The following ACSF3 variants were observed in gnomAD, a reference collection of about 807,000 sequenced individuals.
The protein encoded by ACSF3 is acyl-CoA synthetase family member 3.
ACSF3 carries 78 observed loss-of-function variants against 53.2 expected under a neutral mutation model. The ratio of observed to expected loss-of-function variants is 1.47; its 90% CI spans 1.22 to 1.77. The LOEUF (loss-of-function observed/expected upper bound fraction) is 1.77. Among genes scored for constraint, ACSF3 ranks in the 40% most tolerant of loss-of-function variants. ACSF3 has a pLI of 0.00. For missense variants in ACSF3, 937 were observed against 771.1 expected (o/e 1.22, Z -2.55); for synonymous variants, 414 against 333.1 (o/e 1.24, Z -2.65).
chr16:89,112,160 C>A lies in ACSF3; in HGVS notation c.891C>A (p.Tyr297Ter), dbSNP rs2151444797. 1.7e-6 allele frequency: 2 copies of A among 1,188,786 alleles called. No homozygotes were observed. The highest frequency in any genetic ancestry group is 7.7e-5 in the East Asian group (2 of 26,014). The allele number at this position is 1,188,786 out of a possible 1,614,324, so 73.6% of individuals were successfully genotyped here. Reference protein sequence around the residue: ...INVFMAVPTIYTKLMEYYDRH... With the variant: ...INVFMAVPTI ...TCTTTATGGCAGTGCCTACAATATA[C>A]ACCAAGCTGATGGAGTACTACGACA... is the stretch of plus-strand genomic sequence containing the variant. Residue 297 changes from tyrosine (Y) to a stop codon, truncating the protein, a stop_gained, in exon 5 of 11, where the codon TAC becomes TAA. Coordinates refer to ENST00000614302, the MANE Select transcript of ACSF3 (RefSeq NM_001243279.3). LOFTEE classifies it high-confidence loss of function.
intron 10 of ACSF3, chr16:89,152,017 G>A (rs545542228): frequency 1.9e-4 from 29 of 152,396 alleles, no homozygotes; most frequent in African/African-American, 7.0e-4. Context: ...ACTAGGAGAA[G>A]AAGGAAAATC....
chr16:89,116,908 C>T (rs1252597798), intron 6 of ACSF3, among the ~76,000 whole-genome samples: 1 of 152,192 alleles, frequency 6.6e-6, no homozygotes, highest in African/African-American at 2.4e-5. Context: ...GGCTAAAGCT[C>T]TCTGGTGGAA....
rs1914650366 is a variant in ACSF3 at position 89,155,749 on chromosome 16, A to C, written c.*1542A>C. 2.2e-6 allele frequency: 1 copy of C among 453,386 alleles called. No individual in the cohort carries two copies. The highest frequency in any genetic ancestry group is 1.6e-5 in the South Asian group (1 of 64,298). 28.1% of individuals were successfully genotyped at this position (453,386 alleles called of 1,614,324 possible). On this transcript the variant is annotated 3_prime_UTR_variant, in exon 11 of 11. Transcript: ENST00000614302. ...TCAAATTTAACATAGCAAAATTTTTACTTAATTCCACTAATTTTACATTTG... is the reference window on the plus strand; with the variant it reads ...TCAAATTTAACATAGCAAAATTTTTCCTTAATTCCACTAATTTTACATTTG...
intron 8 of ACSF3, among the ~76,000 whole-genome samples, chr16:89,143,447 C>T (rs993166135): frequency 6.6e-6 from 1 of 151,992 alleles, no homozygotes; most frequent in African/African-American, 2.4e-5. Flanking sequence ...GTATGGAGGG[C>T]CCTGAGCACC....
At position 89,093,920 on chromosome 16, in the gene ACSF3, C is replaced by T. The variant is rs1291430665; in HGVS notation, c.-270C>T. 32 of 329,006 alleles carry T rather than the reference C, an allele frequency of 9.7e-5. No individual in the cohort carries two copies. Among genetic ancestry groups the T allele is most frequent in the Non-Finnish European group, 1.7e-4 (27 of 157,658 alleles). The allele number at this position is 329,006 out of a possible 1,614,324, so 20.4% of individuals were successfully genotyped here. ...GACCCGGCCGGAACCCGGCCCGACC[C>T]CGGCGCGCGCGCGGCGGAGGACGAG... On this transcript the variant is annotated 5_prime_UTR_variant, in exon 1 of 11. Transcript: ENST00000614302.
At chr16:89,099,974 C>G (rs1168264572) in intron 2 of ACSF3, among the ~76,000 whole-genome samples, 10 of 90,804 alleles carry the variant, frequency 1.1e-4, no homozygotes, top group Admixed American at 4.0e-4. Flanking sequence ...GACCTTGTCT[C>G]TACCAAAAAA....
At chr16:89,130,281 A>T (rs1909013847) in intron 7 of ACSF3, among the ~76,000 whole-genome samples, 1 of 152,206 alleles carries the variant, frequency 6.6e-6, no homozygotes, top group African/African-American at 2.4e-5. Context: ...CTTTAAAAAT[A>T]TGATTCTTGG....
chr16:89,145,499 G>C (rs1346928785), intron 9 of ACSF3, 98 bp downstream of exon 9: 2 of 1,436,032 alleles, frequency 1.4e-6, no homozygotes, highest in East Asian at 4.8e-5. Flanking sequence ...CGCCGTCCCA[G>C]CTGCCTGCAG....
intron 9 of ACSF3, among the ~76,000 whole-genome samples, 157 bp from the exon 10 acceptor site, chr16:89,145,781 C>T (rs1490632997): frequency 6.6e-6 from 1 of 152,216 alleles, no homozygotes; most frequent in East Asian, 1.9e-4. Context: ...CCCACAGGCC[C>T]AGCCAGCACC....
intron 7 of ACSF3, among the ~76,000 whole-genome samples, chr16:89,127,037 T>C (rs1311569041): frequency 1.3e-5 from 2 of 152,224 alleles, no homozygotes; most frequent in African/African-American, 2.4e-5. Flanking sequence ...TAGATTACAT[T>C]GAACCAAGCT....
intron 10 of ACSF3, chr16:89,153,689 G>A (rs927352792): frequency 3.7e-5 from 11 of 294,368 alleles, no homozygotes; most frequent in Admixed American, 2.3e-4. Flanking sequence ...TCTTCCGCAC[G>A]CCTCCTCTGG....
intron 8 of ACSF3, among the ~76,000 whole-genome samples, chr16:89,137,827 G>T (rs917759358): frequency 1.3e-5 from 2 of 152,172 alleles, no homozygotes; most frequent in African/African-American, 4.8e-5. Flanking sequence ...AGCCTCCCAG[G>T]CCCTCCACGT....
chr16:89,154,425 C>T lies in ACSF3; in HGVS notation c.*218C>T. On this transcript the variant is annotated 3_prime_UTR_variant, in exon 11 of 11. Transcript: ENST00000614302. Reference sequence around the variant, plus strand: ...AAGGAGACCGTCCCTGGTGTCACCTCTGCCTGGTCACCGCCGACCTCATCT... The same window carrying T: ...AAGGAGACCGTCCCTGGTGTCACCTTTGCCTGGTCACCGCCGACCTCATCT... 1 of 671,384 alleles carries T rather than the reference C, an allele frequency of 1.5e-6. No homozygotes were observed. 41.6% of individuals were successfully genotyped at this position (671,384 alleles called of 1,614,324 possible).
chr16:89,146,004 G>T lies in ACSF3; in HGVS notation c.1568G>T (p.Arg523Leu). The T allele has an allele frequency of 6.5e-7, 1 of 1,542,170 alleles. No homozygotes were observed. Among genetic ancestry groups the T allele is most frequent in the Non-Finnish European group, 8.8e-7 (1 of 1,135,462 alleles). ...CGGGTCACTGCTGTGGTGACCCTCC[G>T]AGAAGGACACTCACTGTCCCACAGG... Reference protein sequence around the residue: ...GQRVTAVVTLREGHSLSHREL... With the variant: ...GQRVTAVVTLLEGHSLSHREL... Residue 523 changes from arginine to leucine, a missense_variant, in exon 10 of 11, where the codon CGA (arginine) becomes CTA (leucine). Arg to Leu is a moderately radical substitution (Grantham distance 102, BLOSUM62 -2). Coordinates refer to ENST00000614302, the MANE Select transcript of ACSF3 (RefSeq NM_001243279.3).
At chr16:89,114,655 C>A in intron 6 of ACSF3, 168 bp downstream of exon 6, 1 of 959,708 alleles carries the variant, frequency 1.0e-6, no homozygotes, top group Non-Finnish European at 1.6e-6. Flanking sequence ...TGCGACCTGT[C>A]CCCTCTGGGT....
intron 7 of ACSF3, among the ~76,000 whole-genome samples, chr16:89,128,245 A>G (rs903463834): frequency 2.0e-5 from 3 of 149,910 alleles, no homozygotes; most frequent in African/African-American, 7.3e-5. Context: ...TATAATATAT[A>G]TATATTTTTT....
chr16:89,120,108 G>C (rs1441431852), intron 6 of ACSF3, among the ~76,000 whole-genome samples: 2 of 152,266 alleles, frequency 1.3e-5, no homozygotes, highest in Non-Finnish European at 1.5e-5. Context: ...GAGCGAGGCT[G>C]CGGCAGCCCT....
rs534495046 is a variant in ACSF3, at chr16:89,102,694, G to A, written c.757G>A (p.Ala253Thr). The A allele has an allele frequency of 2.9e-5, 47 of 1,613,694 alleles. No individual in the cohort carries two copies. In the South Asian group the frequency reaches 3.7e-4, roughly 13 times the overall value. ...GCACCACGTCCATGGTGTGGTCAACGCGCTGCTCTGTCCTCTCTGGGTGGG... is the reference window on the plus strand; with the variant it reads ...GCACCACGTCCATGGTGTGGTCAACACGCTGCTCTGTCCTCTCTGGGTGGG... ...PLHHVHGVVN[A>T]LLCPLWVGAT... The change falls in exon 4 of 11, where the codon GCG becomes ACG. Residue 253 changes from alanine to threonine, a missense_variant. Coordinates refer to ENST00000614302, the MANE Select transcript of ACSF3 (RefSeq NM_001243279.3).
chr16:89,140,089 C>T (rs1911452751), intron 8 of ACSF3, among the ~76,000 whole-genome samples: 1 of 152,260 alleles, frequency 6.6e-6, no homozygotes, highest in African/African-American at 2.4e-5. Context: ...CCTTGGCCCA[C>T]AGAGGAGACC....
Sources: gnomAD v4.1 joint callset for allele counts (sites outside exome capture counted in the v4.1 genomes callset) on GRCh38, gnomAD v4.1.1 for gene constraint, MANE v1.5 for transcripts, NCBI Gene and HGNC (gene_info 2026-07-23, HGNC 2026-07-21) for gene names.